COL19A1: variants seen among roughly 807,000 people sequenced by gnomAD.
COL19A1 encodes the protein collagen type XIX alpha 1 chain.
Under a neutral mutation model 190.2 loss-of-function variants are expected in COL19A1, and 159 were observed. The observed-to-expected ratio is 0.84, with a 90% CI of 0.73 to 0.95. The LOEUF is 0.95. Among genes scored for constraint, COL19A1 ranks in the 40% least tolerant of loss-of-function variants. The pLI is 0.00. For missense variants in COL19A1, 1,418 were observed against 1,431.9 expected (o/e 0.99, Z 0.16); for synonymous variants, 509 against 458.9 (o/e 1.11, Z -1.39).
intron 11 of COL19A1, among the ~76,000 whole-genome samples, chr6:69,977,204 G>T (rs534926906): frequency 6.6e-6 from 1 of 152,072 alleles, no homozygotes; most frequent in African/African-American, 2.4e-5. Flanking sequence ...AAAATGTAGC[G>T]CATATACACC....
chr6:70,101,380 T>C (rs983684794), intron 15 of COL19A1, among the ~76,000 whole-genome samples: 1 of 152,198 alleles, frequency 6.6e-6, no homozygotes, highest in African/African-American at 2.4e-5. Context: ...AATGAAATGC[T>C]TTTTAAATGT....
chr6:70,159,054 A>C (rs1419501970), intron 34 of COL19A1, among the ~76,000 whole-genome samples: 1 of 151,998 alleles, frequency 6.6e-6, no homozygotes. Context: ...TAATGTGGTC[A>C]TCAAAGGTTA....
chr6:69,919,917 ATT>A (rs954945181), intron 4 of COL19A1, among the ~76,000 whole-genome samples: 16 of 152,064 alleles, frequency 1.1e-4, no homozygotes, highest in Non-Finnish European at 4.4e-5. Flanking sequence ...AAAAAATAAT[ATT>A]TGTTAGTGCC....
intron 14 of COL19A1, among the ~76,000 whole-genome samples, chr6:70,044,834 G>A (rs892114386): frequency 1.3e-5 from 2 of 151,794 alleles, no homozygotes; most frequent in Admixed American, 6.6e-5. Context: ...TCTTACTCTT[G>A]CTTTGTTAAT....
intron 48 of COL19A1, among the ~76,000 whole-genome samples, chr6:70,197,409 T>G (rs1186145876): frequency 2.0e-5 from 3 of 151,638 alleles, no homozygotes; most frequent in Non-Finnish European, 4.4e-5. Flanking sequence ...GGTGACAGAG[T>G]GAGACTCTAT....
At chr6:69,989,623 C>A (rs963229928) in intron 11 of COL19A1, among the ~76,000 whole-genome samples, 7 of 138,264 alleles carry the variant, frequency 5.1e-5, no homozygotes, top group African/African-American at 1.1e-4. Context: ...CAAGATAATT[C>A]TTCTTCCAAT....
rs1316168251 is a variant in COL19A1, at chr6:70,039,773, T to A, written c.1170+3834T>A. 2.6e-5 allele frequency among the ~76,000 whole-genome samples: 4 copies of A among 151,868 alleles called. No homozygotes were observed. In the East Asian group the frequency reaches 7.7e-4, roughly 29 times the overall value. On this transcript the variant is annotated intron_variant, in intron 14 of 50. Transcript: ENST00000620364. The stretch of plus-strand genomic sequence containing the variant: ...TGGGGAAGTATTGTTTTTTTTTTTT[T>A]TTCTTTTGAGACAGGGTCTCACTCT...
chr6:70,166,496 C>T (rs1194351476), intron 37 of COL19A1, among the ~76,000 whole-genome samples: 4 of 152,204 alleles, frequency 2.6e-5, no homozygotes, highest in Admixed American at 2.6e-4. Flanking sequence ...GACAGATGCA[C>T]GCTCCGTCAG....
At chr6:70,019,576 T>C (rs1420520632) in intron 11 of COL19A1, among the ~76,000 whole-genome samples, 1 of 152,136 alleles carries the variant, frequency 6.6e-6, no homozygotes, top group Non-Finnish European at 1.5e-5. Context: ...TGAAATTAGT[T>C]TTATCATAGA....
chr6:70,178,774 G>T (rs539984430), intron 42 of COL19A1, among the ~76,000 whole-genome samples: 1 of 152,122 alleles, frequency 6.6e-6, no homozygotes, highest in East Asian at 1.9e-4. Context: ...AGAACGGACC[G>T]GTCTATCCCT....
Position 70,137,678 on chromosome 6 carries a change from T to C in COL19A1, c.1384-7T>C. 1.9e-6 allele frequency: 3 copies of C among 1,613,196 alleles called. No individual in the cohort carries two copies. The highest frequency in any genetic ancestry group is 2.5e-6 in the Non-Finnish European group (3 of 1,179,362). Reference sequence around the variant, plus strand: ...TGCAAAATCTCTCTTCTGCTTTGTCTTGAAAGGGTGAAACTGGACTACCAG... The same window carrying C: ...TGCAAAATCTCTCTTCTGCTTTGTCCTGAAAGGGTGAAACTGGACTACCAG... On this transcript the variant is annotated splice_polypyrimidine_tract_variant and splice_region_variant and intron_variant, in intron 18 of 50. Transcript: ENST00000620364.
chr6:69,907,798 T>C (rs1001253783), intron 4 of COL19A1, among the ~76,000 whole-genome samples: 2 of 152,230 alleles, frequency 1.3e-5, no homozygotes, highest in African/African-American at 4.8e-5. Context: ...GAATGCAGTC[T>C]AGTCTAGAGC....
At chr6:70,035,854 G>A (rs1779324216) in intron 13 of COL19A1, 50 bp from the exon 14 acceptor site, 1 of 1,486,450 alleles carries the variant, frequency 6.7e-7, no homozygotes, top group Admixed American at 1.7e-5. Context: ...TATAAATAAT[G>A]TGCAAAAAGG....
intron 2 of COL19A1, among the ~76,000 whole-genome samples, chr6:69,891,541 T>C (rs571809317): frequency 1.3e-5 from 2 of 152,300 alleles, no homozygotes; most frequent in South Asian, 4.1e-4. Flanking sequence ...TCCTAGCAGA[T>C]ACGTGGGGTA....
At position 70,211,153 on chromosome 6, in the gene COL19A1, A is replaced by C. The variant is rs775848778; in HGVS notation, c.*3879A>C. ...TTGCTCAGTGTACTTAAAATTTTAC[A>C]GTTATATTTGTATAACGTTTATATT... On this transcript the variant is annotated 3_prime_UTR_variant, in exon 51 of 51. Transcript: ENST00000620364. Among the ~76,000 whole-genome samples, 3 of 152,142 alleles carry C rather than the reference A, an allele frequency of 2.0e-5. No individual in the cohort carries two copies. Among genetic ancestry groups the C allele is most frequent in the Admixed American group, 6.6e-5 (1 of 15,260 alleles).
intron 14 of COL19A1, among the ~76,000 whole-genome samples, chr6:70,043,450 C>T (rs1236680405): frequency 2.0e-5 from 3 of 152,080 alleles, no homozygotes; most frequent in Non-Finnish European, 2.9e-5. Context: ...TCTCGGCCTC[C>T]CAAAGTGCTG....
intron 11 of COL19A1, among the ~76,000 whole-genome samples, chr6:69,984,135 CTTTG>C (rs1356644646): frequency 8.5e-5 from 13 of 152,074 alleles, no homozygotes; most frequent in Non-Finnish European, 1.6e-4. Context: ...ATTTTGATTG[CTTTG>C]TTTATGTTTC....
intron 13 of COL19A1, 119 bp downstream of exon 13, chr6:70,034,417 G>T: frequency 1.3e-6 from 1 of 747,842 alleles, no homozygotes; most frequent in Non-Finnish European, 2.4e-6. Context: ...ACCAAAAGCT[G>T]TTACCTTAAT....
chr6:70,058,122 A>C (rs540984277), intron 14 of COL19A1, among the ~76,000 whole-genome samples: 1 of 152,234 alleles, frequency 6.6e-6, no homozygotes, highest in East Asian at 1.9e-4. Context: ...CTTAAACAAT[A>C]GCGACAGAGA....
Sources: allele counts gnomAD v4.1 joint callset (sites outside exome capture counted in the v4.1 genomes callset), GRCh38; gene constraint gnomAD v4.1.1; transcripts MANE v1.5; gene names NCBI Gene and HGNC (gene_info 2026-07-23, HGNC 2026-07-21).